The following MIR2052HG variants were observed in gnomAD, a reference collection of about 807,000 sequenced individuals.
The protein encoded by MIR2052HG is MIR2052 host gene.
intron 1 of MIR2052HG, among the ~76,000 whole-genome samples, chr8:74,600,817 G>C (rs1395764706): frequency 6.6e-6 from 1 of 151,928 alleles, no homozygotes; most frequent in African/African-American, 2.4e-5. Flanking sequence ...CTCATTTTCT[G>C]CCAGCCTGAG....
intron 2 of MIR2052HG, among the ~76,000 whole-genome samples, chr8:74,693,610 C>CGG (rs373243628): frequency 3.5e-4 from 3 of 8,664 alleles, no homozygotes; most frequent in African/African-American, 4.5e-4. Flanking sequence ...ATTGCGGGGG[C>CGG]GGGGGGGGAG....
At position 74,736,805 on chromosome 8, in the gene MIR2052HG, A is replaced by T. The variant is rs187279135; in HGVS notation, n.372-15636A>T. Among the ~76,000 whole-genome samples the T allele has an allele frequency of 2.6e-3, 390 of 152,268 alleles. 5 individuals are homozygous for T. Among genetic ancestry groups the T allele is most frequent in the African/African-American group, 5.2e-3 (216 of 41,550 alleles). ...CCCATCCAGGGGTTCCTCATTTCCT[A>T]TAAGTGGAGGCTCAGGCCTGACCAC... On this transcript the variant is annotated intron_variant and non_coding_transcript_variant, in intron 4 of 6. Transcript: ENST00000523442.
intron 2 of MIR2052HG, among the ~76,000 whole-genome samples, chr8:74,680,323 A>G (rs552007879): frequency 9.2e-5 from 14 of 152,316 alleles, no homozygotes; most frequent in Non-Finnish European, 1.6e-4. Context: ...ATGTTCATTG[A>G]TAGAAAGACA....
chr8:74,602,379 A>G (rs936408977), intron 1 of MIR2052HG, among the ~76,000 whole-genome samples: 7 of 152,232 alleles, frequency 4.6e-5, no homozygotes, highest in Admixed American at 2.6e-4. Flanking sequence ...TCAGTTCCAG[A>G]GATTGCCTGC....
chr8:74,668,032 A>AT (rs1487979910), intron 2 of MIR2052HG, among the ~76,000 whole-genome samples: 2 of 151,836 alleles, frequency 1.3e-5, no homozygotes, highest in South Asian at 4.2e-4. Context: ...AATGGAAAAA[A>AT]AAAAAAACCC....
intron 4 of MIR2052HG, among the ~76,000 whole-genome samples, chr8:74,704,575 C>T (rs1289285514): frequency 6.6e-6 from 1 of 151,990 alleles, no homozygotes; most frequent in African/African-American, 2.4e-5. Flanking sequence ...GCCTACAGGC[C>T]TCTCTGGGAT....
chr8:74,648,409 C>T (rs1328282439), intron 2 of MIR2052HG, among the ~76,000 whole-genome samples: 2 of 152,176 alleles, frequency 1.3e-5, no homozygotes, highest in African/African-American at 4.8e-5. Context: ...AGATGTTTAT[C>T]ATGACAATGT....
intron 4 of MIR2052HG, among the ~76,000 whole-genome samples, chr8:74,721,602 G>T (rs75608641): frequency 6.6e-6 from 1 of 152,278 alleles, no homozygotes; most frequent in African/African-American, 2.4e-5. Flanking sequence ...TCTCTATGAG[G>T]CCTCTTTCTC....
At chr8:74,687,346 A>G (rs1428054753) in intron 2 of MIR2052HG, among the ~76,000 whole-genome samples, 1 of 152,202 alleles carries the variant, frequency 6.6e-6, no homozygotes, top group African/African-American at 2.4e-5. Context: ...AAATCTGGGC[A>G]TATATCCAAA....
At chr8:74,626,487 G>T (rs921536578) in intron 2 of MIR2052HG, among the ~76,000 whole-genome samples, 1 of 152,156 alleles carries the variant, frequency 6.6e-6, no homozygotes, top group Non-Finnish European at 1.5e-5. Flanking sequence ...TGCCTGCAAA[G>T]TTATGCCAGT....
chr8:74,699,401 T>G (rs772579111), intron 2 of MIR2052HG, among the ~76,000 whole-genome samples: 3 of 102,482 alleles, frequency 2.9e-5, no homozygotes, highest in African/African-American at 4.5e-5. Flanking sequence ...AGTATGTGTA[T>G]GTGTGTGTGT....
intron 2 of MIR2052HG, among the ~76,000 whole-genome samples, chr8:74,616,412 A>T (rs1049461727): frequency 3.3e-5 from 5 of 149,266 alleles, no homozygotes; most frequent in Non-Finnish European, 7.4e-5. Context: ...ACTGGCCATC[A>T]GAGAAATGCA....
intron 2 of MIR2052HG, among the ~76,000 whole-genome samples, chr8:74,700,202 G>A (rs1809344886): frequency 6.6e-6 from 1 of 152,190 alleles, no homozygotes; most frequent in South Asian, 2.1e-4. Context: ...CTGTGTATAT[G>A]TATGTGTGTG....
chr8:74,614,559 A>G (rs1808250152), intron 2 of MIR2052HG, among the ~76,000 whole-genome samples: 1 of 152,096 alleles, frequency 6.6e-6, no homozygotes, highest in Admixed American at 6.5e-5. Context: ...TGAACTTCTC[A>G]AAGGCAAATT....
At chr8:74,725,837 C>T (rs936248489) in intron 4 of MIR2052HG, among the ~76,000 whole-genome samples, 3 of 152,032 alleles carry the variant, frequency 2.0e-5, no homozygotes, top group Non-Finnish European at 2.9e-5. Context: ...AACTCAGAGT[C>T]GGGGTAAGTA....
Position 74,638,316 on chromosome 8 carries a change from G to A in MIR2052HG, n.216+25376G>A, listed in dbSNP as rs145574397. Among the ~76,000 whole-genome samples the A allele has an allele frequency of 9.4e-4, 143 of 152,282 alleles. 2 individuals are homozygous for A. Among genetic ancestry groups the A allele is most frequent in the African/African-American group, 3.2e-3 (135 of 41,558 alleles). On this transcript the variant is annotated intron_variant and non_coding_transcript_variant, in intron 2 of 6. Coordinates refer to ENST00000523442, the Ensembl canonical transcript of MIR2052HG. ...GAGAAATGAGAGCTAGAAGGGGCCAGTTGCAGAAGGCTTTGTACACTGTGT... is the reference window on the plus strand; with the variant it reads ...GAGAAATGAGAGCTAGAAGGGGCCAATTGCAGAAGGCTTTGTACACTGTGT...
intron 2 of MIR2052HG, among the ~76,000 whole-genome samples, chr8:74,698,051 C>A (rs1156829916): frequency 6.6e-6 from 1 of 152,028 alleles, no homozygotes; most frequent in Non-Finnish European, 1.5e-5. Context: ...GTAGCCAATG[C>A]AAAACTAAGC....
At chr8:74,612,043 C>T (rs1320659931) in intron 1 of MIR2052HG, among the ~76,000 whole-genome samples, 1 of 149,278 alleles carries the variant, frequency 6.7e-6, no homozygotes, top group Non-Finnish European at 1.5e-5. Flanking sequence ...GTCTTATCTT[C>T]AAGTGCTCCA....
At chr8:74,674,138 G>T (rs572276327) in intron 2 of MIR2052HG, among the ~76,000 whole-genome samples, 2,503 of 54,094 alleles carry the variant, frequency 0.046, 26 homozygotes, top group African/African-American at 0.11. Flanking sequence ...AGAGGTTTTT[G>T]TGTGTGTGTG....
Sources: gnomAD v4.1 joint callset for allele counts (sites outside exome capture counted in the v4.1 genomes callset) on GRCh38, gnomAD v4.1.1 for gene constraint, MANE v1.5 for transcripts, NCBI Gene and HGNC (gene_info 2026-07-23, HGNC 2026-07-21) for gene names.